Variants in ATG2A observed in about 807,000 individuals in gnomAD.
The protein encoded by ATG2A is autophagy related 2A.
Under a neutral mutation model 214.2 loss-of-function variants are expected in ATG2A, and 103 were observed. The observed-to-expected ratio is 0.48, with a 90% CI of 0.41 to 0.57. The LOEUF (loss-of-function observed/expected upper bound fraction) is 0.57, where lower values mean the gene tolerates loss of function less well. ATG2A is among the 20% of genes least tolerant of loss of function. ATG2A has a pLI of 0.00. For missense variants in ATG2A, 2,312 were observed against 2,613.2 expected (o/e 0.88, Z 2.51); for synonymous variants, 1,160 against 1,142.1 (o/e 1.02, Z -0.32).
In ATG2A at chr11:64,903,616, T is replaced by A; in HGVS notation, c.3509A>T (p.Glu1170Val). The change falls in exon 25 of 41, where the codon GAG becomes GTG. Residue 1170 changes from glutamate to valine, a missense_variant. Transcript: ENST00000377264. The surrounding 1 kb of genome is among the most constrained non-coding windows in gnomAD (Gnocchi z 4.2). ...TCGCCGCAGGTCCAGGGTCTCCACC[T>A]CACACTTGTCGGACAGGTACAAGGC... ...DSALYLSDKC[E>V]VETLDLRRDY... The A allele has an allele frequency of 6.5e-7, 1 of 1,549,968 alleles. No homozygotes were observed. The highest frequency in any genetic ancestry group is 8.7e-7 in the Non-Finnish European group (1 of 1,146,552).
intron 29 of ATG2A, 38 bp from the exon 30 acceptor site, chr11:64,901,130 C>A: frequency 6.5e-7 from 1 of 1,538,638 alleles, no homozygotes; most frequent in South Asian, 1.2e-5. Context: ...CACAGATGTT[C>A]GATCCAGCCC....
intron 1 of ATG2A, among the ~76,000 whole-genome samples, chr11:64,915,145 ACC>A (rs1565080524): frequency 0.017 from 395 of 22,800 alleles, 3 homozygotes; most frequent in African/African-American, 0.068. Flanking sequence ...CCCCCCCCCC[ACC>A]ACCAACCCCA....
At position 64,909,048 on chromosome 11, in the gene ATG2A, C is replaced by T; in HGVS notation, c.2307G>A (p.Leu769=). The part of the protein sequence containing the change: ...LELSVESPCE[L]REPEPSPFSS... ...AGAAGGGCGAGGGCTCAGGTTCCCGCAGCTCACAGGGACTCTCCACTGACA... is the reference window on the plus strand; with the variant it reads ...AGAAGGGCGAGGGCTCAGGTTCCCGTAGCTCACAGGGACTCTCCACTGACA... The change falls in exon 16 of 41, where the codon CTG becomes CTA. Residue 769 remains leucine, a synonymous_variant. Coordinates refer to ENST00000377264, the MANE Select transcript of ATG2A (RefSeq NM_015104.3). The T allele has an allele frequency of 6.2e-7, 1 of 1,613,118 alleles. No homozygotes were observed. Among genetic ancestry groups the T allele is most frequent in the East Asian group, 2.2e-5 (1 of 44,880 alleles).
At chr11:64,908,570 AAG>A (rs984149477) in intron 16 of ATG2A, among the ~76,000 whole-genome samples, 16 of 152,144 alleles carry the variant, frequency 1.1e-4, no homozygotes, top group Non-Finnish European at 2.1e-4. Context: ...AAGAAAAAAA[AAG>A]AGAGAAAGAC....
In ATG2A at chr11:64,896,784, C is replaced by A. The variant is rs1944167972; in HGVS notation, c.5236G>T (p.Gly1746Ter). Residue 1746 changes from glycine (G) to a stop codon, truncating the protein, a stop_gained, in exon 38 of 41, where the codon GGA becomes TGA. Coordinates refer to ENST00000377264, the MANE Select transcript of ATG2A (RefSeq NM_015104.3). LOFTEE classifies it high-confidence loss of function. ...IRKNQLPGLL[G>*]GVGPMHSVVQ... ...ACCGAGTGCATGGGGCCCACGCCTC[C>A]CAGCAGGCCGGGCAGCTGGTTCTTG... The A allele has an allele frequency of 2.5e-6, 4 of 1,614,116 alleles. No individual in the cohort carries two copies. The Admixed American group carries it at 6.7e-5, about 27-fold the overall frequency.
At chr11:64,896,990 G>A in intron 37 of ATG2A, 121 bp from the exon 38 acceptor site, 1 of 1,376,088 alleles carries the variant, frequency 7.3e-7, no homozygotes, top group Non-Finnish European at 9.7e-7. Context: ...CCCTCCCTGT[G>A]GTCCCACCCA....
rs1459637620 is a variant in ATG2A at position 64,896,798 on chromosome 11, A to T, written c.5222T>A (p.Leu1741Gln). The T allele has an allele frequency of 6.2e-7, 1 of 1,614,172 alleles. No homozygotes were observed. The highest frequency in any genetic ancestry group is 1.7e-5 in the Admixed American group (1 of 60,034). ...GCCCACGCCTCCCAGCAGGCCGGGC[A>T]GCTGGTTCTTGCGGATGTCCTGCAG... ...EWLQDIRKNQ[L>Q]PGLLGGVGPM... The change falls in exon 38 of 41, where the codon CTG (leucine) becomes CAG (glutamine). Residue 1741 changes from leucine (L) to glutamine (Q), a missense_variant. Coordinates refer to ENST00000377264, the MANE Select transcript of ATG2A (RefSeq NM_015104.3).
intron 16 of ATG2A, among the ~76,000 whole-genome samples, chr11:64,908,118 T>TG (rs1048342155): frequency 6.6e-6 from 1 of 152,214 alleles, no homozygotes; most frequent in African/African-American, 2.4e-5. Flanking sequence ...AACAGGCCTG[T>TG]GACACAGGTT....
At position 64,902,043 on chromosome 11, in the gene ATG2A, A is replaced by C; in HGVS notation, c.4038T>G (p.Asp1346Glu). ...SLGSCSEEKE[D>E]EREEEGDGDT... ...CTCCATCGCCCTCCTCTTCCCTTTC[A>C]TCTTCCTTCTCCTCTGAGCATGACC... Residue 1346 changes from aspartate to glutamate, a missense_variant, in exon 29 of 41, where the codon GAT becomes GAG. By Grantham distance (45) the Asp-to-Glu change is conservative (BLOSUM62 2). Transcript: ENST00000377264. The C allele has an allele frequency of 1.2e-6, 2 of 1,613,832 alleles. No homozygotes were observed. The highest frequency in any genetic ancestry group is 1.7e-6 in the Non-Finnish European group (2 of 1,179,972).
Position 64,913,905 on chromosome 11 carries a change from A to G in ATG2A, c.506T>C (p.Val169Ala), listed in dbSNP as rs747518362. 6.2e-7 allele frequency: 1 copy of G among 1,613,982 alleles called. No homozygotes were observed. The highest frequency in any genetic ancestry group is 1.7e-5 in the Admixed American group (1 of 60,014). ...CCTCACGACAGTGTCCAGGAAGGTC[A>G]CTTTGATCCTCCGAAGCACTGAGGA... The part of the protein sequence containing the change: ...TIETVLRRIK[V>A]TFLDTVVRVE... The change falls in exon 4 of 41, where the codon GTG (valine) becomes GCG (alanine). Residue 169 changes from valine (V) to alanine (A), a missense_variant. Val to Ala is a moderately conservative substitution (Grantham distance 64). Coordinates refer to ENST00000377264, the MANE Select transcript of ATG2A (RefSeq NM_015104.3). The surrounding 1 kb of genome is among the most constrained non-coding windows in gnomAD (Gnocchi z 4.3).
At position 64,902,610 on chromosome 11, in the gene ATG2A, G is replaced by C; in HGVS notation, c.3683C>G (p.Ala1228Gly). ...VHVHSCADSCALLVNLLQYVM... is the reference protein window; with the variant it reads ...VHVHSCADSCGLLVNLLQYVM... ...GTACTGGAGCAGGTTGACCAGCAGG[G>C]CACAGGAGTCGGCACAGCTGTGCAC... Residue 1228 changes from alanine to glycine, a missense_variant, in exon 27 of 41, where the codon GCC becomes GGC. By Grantham distance (60) the Ala-to-Gly change is moderately conservative. Transcript: ENST00000377264. 1 of 1,610,654 alleles carries C rather than the reference G, an allele frequency of 6.2e-7. No homozygotes were observed. The highest frequency in any genetic ancestry group is 2.1e-4 in the Middle Eastern group (1 of 4,762).
In ATG2A at chr11:64,909,854, A is replaced by G; in HGVS notation, c.1934T>C (p.Leu645Pro). ...RLSAPRATLR[L>P]RFPIADLRPE... ...CCGCAGGTCGGCAATGGGGAAGCGC[A>G]GCCGCAGCGTGGCCCGGGGTGCAGA... The change falls in exon 14 of 41, where the codon CTG becomes CCG. Residue 645 changes from leucine to proline, a missense_variant. Leu to Pro is a moderately conservative substitution (Grantham distance 98). Coordinates refer to ENST00000377264, the MANE Select transcript of ATG2A (RefSeq NM_015104.3). The G allele has an allele frequency of 6.2e-7, 1 of 1,609,776 alleles. No homozygotes were observed. Among genetic ancestry groups the G allele is most frequent in the Non-Finnish European group, 8.5e-7 (1 of 1,178,774 alleles).
intron 31 of ATG2A, among the ~76,000 whole-genome samples, chr11:64,899,379 C>G (rs1035811089): frequency 6.6e-6 from 1 of 152,176 alleles, no homozygotes; most frequent in Non-Finnish European, 1.5e-5. Context: ...TTCCTTCCCC[C>G]TCTTCCTGCA....
In ATG2A at chr11:64,906,501, G is replaced by A; in HGVS notation, c.3016C>T (p.Leu1006=). The change falls in exon 21 of 41, where the codon CTG becomes TTG. Residue 1006 remains leucine (L), a synonymous_variant. Transcript: ENST00000377264. The part of the protein sequence containing the change: ...AVDDYPLPSH[L]DLPSFAPPAQ... ...GGGGGAGCGAAACTGGGAAGGTCCAGGTGACTGGGCAGCGGGTAGTCATCC... is the reference window on the plus strand; with the variant it reads ...GGGGGAGCGAAACTGGGAAGGTCCAAGTGACTGGGCAGCGGGTAGTCATCC... 6.2e-7 allele frequency: 1 copy of A among 1,613,304 alleles called. No homozygotes were observed. Among genetic ancestry groups the A allele is most frequent in the Non-Finnish European group, 8.5e-7 (1 of 1,180,006 alleles).
At position 64,902,193 on chromosome 11, in the gene ATG2A, A is replaced by G. The variant is rs1222070652; in HGVS notation, c.3905-17T>C. ...GGTGGCCACCTATAGGAGAGAGGCC[A>G]GTTTGGAGAGGCGCCCACAGTGGGT... On this transcript the variant is annotated splice_polypyrimidine_tract_variant and intron_variant, in intron 28 of 40. Coordinates refer to ENST00000377264, the MANE Select transcript of ATG2A (RefSeq NM_015104.3). The G allele has an allele frequency of 6.2e-7, 1 of 1,612,712 alleles. No homozygotes were observed. The highest frequency in any genetic ancestry group is 8.5e-7 in the Non-Finnish European group (1 of 1,179,984).
At position 64,909,050 on chromosome 11, in the gene ATG2A, G is replaced by A. The variant is rs756693806; in HGVS notation, c.2305C>T (p.Leu769=). 2 of 1,613,072 alleles carry A rather than the reference G, an allele frequency of 1.2e-6. No individual in the cohort carries two copies. The highest frequency in any genetic ancestry group is 2.7e-5 in the African/African-American group (2 of 74,914). Residue 769 remains leucine (L), a synonymous_variant, in exon 16 of 41, where the codon CTG becomes TTG. Transcript: ENST00000377264. The part of the protein sequence containing the change: ...LELSVESPCE[L]REPEPSPFSS... The stretch of plus-strand genomic sequence containing the variant: ...AAGGGCGAGGGCTCAGGTTCCCGCA[G>A]CTCACAGGGACTCTCCACTGACAGC...
chr11:64,901,968 G>T lies in ATG2A; in HGVS notation c.4113C>A (p.Gly1371=). ...EFCILDAPGL[G]IPPRDGEPVV... ...CATCCCTCCCACCACGCACCGGGAT[G>T]CCCAGGCCGGGAGCATCAAGGATGC... The change falls in exon 29 of 41, where the codon GGC becomes GGA. Residue 1371 remains glycine, a synonymous_variant. Transcript: ENST00000377264. The T allele has an allele frequency of 6.2e-7, 1 of 1,612,902 alleles. No homozygotes were observed.
Position 64,907,593 on chromosome 11 carries a change from G to A in ATG2A, c.2579C>T (p.Ser860Leu), listed in dbSNP as rs1161444364. 7 of 1,604,032 alleles carry A rather than the reference G, an allele frequency of 4.4e-6. No homozygotes were observed. The Admixed American group carries it at 5.1e-5, about 12-fold the overall frequency. The part of the protein sequence containing the change: ...LPTPDPAAQP[S>L]GFPGPSGFWH... ...GAAGCCTGAGGGGCCGGGGAAGCCC[G>A]AGGGCTGGGCGGCGGGGTCGGGGGT... Residue 860 changes from serine to leucine, a missense_variant, in exon 18 of 41, where the codon TCG becomes TTG. Ser to Leu is a moderately radical substitution (Grantham distance 145). Transcript: ENST00000377264.
At chr11:64,907,210 G>C (rs958949078) in intron 19 of ATG2A, 45 bp downstream of exon 19, 56 of 1,457,302 alleles carry the variant, frequency 3.8e-5, no homozygotes, top group Non-Finnish European at 4.5e-5. Flanking sequence ...TGCCGCCAAT[G>C]GGAGCTCTGA....
Sources: allele counts gnomAD v4.1 joint callset (sites outside exome capture counted in the v4.1 genomes callset), GRCh38; gene constraint gnomAD v4.1.1; non-coding constraint Gnocchi (gnomAD v3.1); transcripts MANE v1.5; gene names NCBI Gene and HGNC (gene_info 2026-07-23, HGNC 2026-07-21).